The following NFU1 variants were observed in gnomAD, a reference collection of about 807,000 sequenced individuals.
NFU1 encodes the protein NFU1 iron-sulfur cluster scaffold, also known as NFU1 iron-sulfur cluster scaffold homolog, mitochondrial.
A neutral mutation model predicts 32.2 loss-of-function variants in NFU1; 30 were observed. The observed-to-expected ratio is 0.93, with a 90% confidence interval of 0.70 to 1.26. The LOEUF is 1.26. Ranked by LOEUF, NFU1 falls within the 50% of genes most tolerant of loss-of-function variation. The pLI, the probability that NFU1 is intolerant of heterozygous loss-of-function variation, is 0.00. For missense variants in NFU1, 306 were observed against 306.6 expected (o/e 1.00, Z 0.02); for synonymous variants, 112 against 104.6 (o/e 1.07, Z -0.43).
At chr2:69,437,523 C>CT, upstream of NFU1, 1 of 1,443,538 alleles carries the variant, frequency 6.9e-7, no homozygotes, top group Non-Finnish European at 9.5e-7. Flanking sequence ...AGAGCCCACC[C>CT]TACCGGCTGC....
intron 4 of NFU1, among the ~76,000 whole-genome samples, chr2:69,416,550 G>A (rs1179931714): frequency 3.3e-5 from 5 of 151,490 alleles, no homozygotes; most frequent in Non-Finnish European, 7.4e-5. Context: ...TCAAGTATAC[G>A]GAACAGCCTA....
intron 5 of NFU1, among the ~76,000 whole-genome samples, chr2:69,408,472 C>T (rs1363448174): frequency 6.6e-6 from 1 of 152,060 alleles, no homozygotes; most frequent in Non-Finnish European, 1.5e-5. Context: ...GTAATCCCAG[C>T]ACTTTGGGAG....
At chr2:69,396,575 C>T (rs1051051113) in intron 7 of NFU1, among the ~76,000 whole-genome samples, 1 of 151,878 alleles carries the variant, frequency 6.6e-6, no homozygotes, top group Non-Finnish European at 1.5e-5. Context: ...ATGGCGTGAA[C>T]CTGGGAAGCA....
chr2:69,433,372 G>T (rs1673713512), intron 1 of NFU1, among the ~76,000 whole-genome samples: 1 of 151,720 alleles, frequency 6.6e-6, no homozygotes. Flanking sequence ...TAGAGACAGG[G>T]TTTCACCATG....
At chr2:69,423,170 G>GTGTA (rs1553401035) in intron 3 of NFU1, among the ~76,000 whole-genome samples, 2,226 of 113,980 alleles carry the variant, frequency 0.02, 61 homozygotes, top group African/African-American at 0.054. Flanking sequence ...GTGTGTGTAT[G>GTGTA]TGTGTGTGTG....
chr2:69,421,562 C>CTTTTTT (rs763705011), intron 3 of NFU1, among the ~76,000 whole-genome samples: 29 of 70,758 alleles, frequency 4.1e-4, no homozygotes, highest in African/African-American at 5.2e-4. Context: ...ATCATTTGTG[C>CTTTTTT]TTTTTTTTTT....
intron 1 of NFU1, among the ~76,000 whole-genome samples, chr2:69,434,611 C>T (rs1056382850): frequency 6.6e-6 from 1 of 152,106 alleles, no homozygotes; most frequent in Non-Finnish European, 1.5e-5. Flanking sequence ...CTTTAAAATC[C>T]GGTTTACTTG....
chr2:69,434,934 T>C (rs1425366347), intron 1 of NFU1, among the ~76,000 whole-genome samples: 1 of 152,184 alleles, frequency 6.6e-6, no homozygotes, highest in Non-Finnish European at 1.5e-5. Context: ...ATGATCCTCC[T>C]GAGTGCTCAG....
intron 3 of NFU1, 38 bp downstream of exon 3, chr2:69,423,544 A>C: frequency 6.3e-7 from 1 of 1,594,156 alleles, no homozygotes; most frequent in Non-Finnish European, 8.6e-7. Context: ...TTAGTTATTT[A>C]TGTTTCTTGG....
chr2:69,424,477 A>G (rs1673389321), intron 2 of NFU1, among the ~76,000 whole-genome samples: 1 of 151,742 alleles, frequency 6.6e-6, no homozygotes, highest in Non-Finnish European at 1.5e-5. Flanking sequence ...TTTTGCAGAG[A>G]CAGGGTCTCA....
chr2:69,403,541 C>T (rs1672593475), intron 6 of NFU1, among the ~76,000 whole-genome samples: 1 of 152,016 alleles, frequency 6.6e-6, no homozygotes, highest in Non-Finnish European at 1.5e-5. Context: ...CACACCACCA[C>T]ACCCAGCTAA....
chr2:69,404,006 T>C (rs571239483), intron 6 of NFU1, among the ~76,000 whole-genome samples: 144 of 151,028 alleles, frequency 9.5e-4, no homozygotes, highest in Middle Eastern at 3.4e-3. Context: ...GCCCGGCTAA[T>C]TTTTTGTATT....
chr2:69,434,700 T>C (rs951905814), intron 1 of NFU1, among the ~76,000 whole-genome samples: 29 of 152,368 alleles, frequency 1.9e-4, no homozygotes, highest in South Asian at 2.1e-4. Context: ...TCATTTATAA[T>C]TGCCAATGGG....
chr2:69,424,565 G>GA (rs1317498293), intron 2 of NFU1, among the ~76,000 whole-genome samples: 1 of 152,050 alleles, frequency 6.6e-6, no homozygotes, highest in Admixed American at 6.6e-5. Flanking sequence ...GTTGGGATTA[G>GA]AGTGTGAGCA....
intron 3 of NFU1, among the ~76,000 whole-genome samples, chr2:69,420,881 A>AT (rs1197219223): frequency 1.3e-5 from 2 of 152,204 alleles, no homozygotes; most frequent in African/African-American, 4.8e-5. Context: ...TATCTCACGC[A>AT]TACACACACA....
At chr2:69,429,321 T>C (rs1467452252) in intron 2 of NFU1, among the ~76,000 whole-genome samples, 1 of 152,160 alleles carries the variant, frequency 6.6e-6, no homozygotes, top group Non-Finnish European at 1.5e-5. Flanking sequence ...CCCAGCACTT[T>C]GGGAGGCCAA....
chr2:69,436,233 A>G (rs1046328089), intron 1 of NFU1, among the ~76,000 whole-genome samples: 3 of 152,196 alleles, frequency 2.0e-5, no homozygotes, highest in Non-Finnish European at 1.5e-5. Flanking sequence ...AATAATCCAG[A>G]GAATCCATGT....
intron 5 of NFU1, among the ~76,000 whole-genome samples, chr2:69,408,994 C>A (rs1359315653): frequency 1.3e-5 from 2 of 150,832 alleles, no homozygotes; most frequent in East Asian, 3.9e-4. Flanking sequence ...TGCCTGCCAC[C>A]ACACCTGGCT....
intron 7 of NFU1, among the ~76,000 whole-genome samples, chr2:69,400,071 C>G (rs554029275): frequency 6.6e-6 from 1 of 152,176 alleles, no homozygotes; most frequent in South Asian, 2.1e-4. Context: ...GGGGTTTTCT[C>G]CATGTTGGTC....
Sources: allele counts gnomAD v4.1 joint callset (sites outside exome capture counted in the v4.1 genomes callset), GRCh38; gene constraint gnomAD v4.1.1; transcripts MANE v1.5; gene names NCBI Gene and HGNC (gene_info 2026-07-23, HGNC 2026-07-21).